SYN3: variants seen among roughly 807,000 people sequenced by gnomAD.
SYN3 encodes the protein synapsin-3.
Under a neutral mutation model 65.8 loss-of-function variants are expected in SYN3, and 35 were observed. The ratio of observed to expected loss-of-function variants is 0.53; its 90% CI spans 0.41 to 0.70. The LOEUF (loss-of-function observed/expected upper bound fraction) is 0.70, where lower values mean the gene tolerates loss of function less well. Among genes scored for constraint, SYN3 ranks in the 30% least tolerant of loss-of-function variants. The pLI, the probability that SYN3 is intolerant of heterozygous loss-of-function variation, is 0.00. For missense variants in SYN3, 680 were observed against 749.0 expected (o/e 0.91, Z 1.08); for synonymous variants, 270 against 292.9 (o/e 0.92, Z 0.80).
At chr22:32,961,568 C>T (rs1054821541) in intron 3 of SYN3, among the ~76,000 whole-genome samples, 1 of 152,216 alleles carries the variant, frequency 6.6e-6, no homozygotes, top group Non-Finnish European at 1.5e-5. Context: ...AATTTACCAT[C>T]CTGTTTAAGT....
At chr22:32,605,388 T>C (rs1203720717) in intron 6 of SYN3, among the ~76,000 whole-genome samples, 2 of 152,084 alleles carry the variant, frequency 1.3e-5, no homozygotes, top group African/African-American at 4.8e-5. Flanking sequence ...AGGGTTTGGA[T>C]GCAGTGGGGT....
chr22:32,944,445 CAT>C (rs1352192633), intron 3 of SYN3, among the ~76,000 whole-genome samples: 1 of 152,182 alleles, frequency 6.6e-6, no homozygotes, highest in African/African-American at 2.4e-5. Context: ...ACAAAAACCA[CAT>C]GATTATCTCA....
At chr22:32,576,690 C>T (rs938935575) in intron 7 of SYN3, among the ~76,000 whole-genome samples, 4 of 152,036 alleles carry the variant, frequency 2.6e-5, no homozygotes, top group Non-Finnish European at 4.4e-5. Context: ...TCATATCACT[C>T]GACTGCATCC....
chr22:32,891,905 T>C (rs1037191719), intron 4 of SYN3, among the ~76,000 whole-genome samples: 3 of 151,930 alleles, frequency 2.0e-5, no homozygotes, highest in Non-Finnish European at 4.4e-5. Flanking sequence ...ATCAGACAAT[T>C]GGAAGTAAAT....
intron 10 of SYN3, among the ~76,000 whole-genome samples, chr22:32,530,899 G>A (rs1161873073): frequency 6.6e-6 from 1 of 151,750 alleles, no homozygotes; most frequent in African/African-American, 2.4e-5. Context: ...CCAGCTACTC[G>A]GGAGGCTGAG....
Position 32,864,907 on chromosome 22 carries a change from G to A in SYN3, c.711+8C>T. On this transcript the variant is annotated splice_region_variant and intron_variant, in intron 6 of 13. Transcript: ENST00000358763. ...ATGCAAAGAAACAGAGTAAAAAAGG[G>A]CACTCACCATTGGCTTATGGTTGGG... 6.2e-7 allele frequency: 1 copy of A among 1,611,894 alleles called. No individual in the cohort carries two copies. Among genetic ancestry groups the A allele is most frequent in the Non-Finnish European group, 8.5e-7 (1 of 1,178,080 alleles).
intron 6 of SYN3, among the ~76,000 whole-genome samples, chr22:32,722,829 A>G (rs1182370529): frequency 6.6e-6 from 1 of 152,210 alleles, no homozygotes; most frequent in Non-Finnish European, 1.5e-5. Context: ...CCTCCCTAGT[A>G]AAAGCAGATC....
chr22:32,580,112 T>A (rs2058916568), intron 7 of SYN3, among the ~76,000 whole-genome samples: 1 of 152,236 alleles, frequency 6.6e-6, no homozygotes, highest in African/African-American at 2.4e-5. Context: ...GTACAGCTTG[T>A]GCGTCCACAG....
At chr22:32,669,230 T>A (rs130736) in intron 6 of SYN3, among the ~76,000 whole-genome samples, 1 of 152,062 alleles carries the variant, frequency 6.6e-6, no homozygotes, top group Non-Finnish European at 1.5e-5. Context: ...TGCTCTGATA[T>A]CCTGTCAGGA....
At position 32,518,169 on chromosome 22, in the gene SYN3, G is replaced by A; in HGVS notation, c.1484C>T (p.Ser495Phe). 6.2e-7 allele frequency: 1 copy of A among 1,613,622 alleles called. No homozygotes were observed. Among genetic ancestry groups the A allele is most frequent in the Non-Finnish European group, 8.5e-7 (1 of 1,179,846 alleles). ...ACCTGGCTTGGAGGCCTGGTTTGGGGAGCTGCCACTGGATGCCCGGGATAG... is the reference window on the plus strand; with the variant it reads ...ACCTGGCTTGGAGGCCTGGTTTGGGAAGCTGCCACTGGATGCCCGGGATAG... ...PQLSRASSGS[S>F]PNQASKPGAT... The change falls in exon 13 of 14, where the codon TCC becomes TTC. Residue 495 changes from serine to phenylalanine, a missense_variant. Physicochemically the swap from Ser to Phe is radical, Grantham distance 155. Coordinates refer to ENST00000358763, the MANE Select transcript of SYN3 (RefSeq NM_003490.4).
Position 32,594,341 on chromosome 22 carries a change from CTT to C in SYN3, c.774+2331_774+2332del, listed in dbSNP as rs1036024619. The stretch of plus-strand genomic sequence containing the variant: ...AGAGATATACTCTGAAGGGAGGACT[CTT>C]TTTAAAAGATAGTTATTAGAATTAT... On this transcript the variant is annotated intron_variant, in intron 7 of 13. Transcript: ENST00000358763. Among the ~76,000 whole-genome samples the C allele has an allele frequency of 1.3e-4, 20 of 152,166 alleles. 1 individual carries two copies. The Middle Eastern group carries it at 0.01, about 78-fold the overall frequency.
chr22:32,704,955 C>T lies in SYN3; in HGVS notation c.712-108219G>A, dbSNP rs140550061. Among the ~76,000 whole-genome samples the T allele has an allele frequency of 4.3e-4, 65 of 152,246 alleles. 1 individual carries two copies. In the East Asian group the frequency reaches 0.011, roughly 25 times the overall value. On this transcript the variant is annotated intron_variant, in intron 6 of 13. Coordinates refer to ENST00000358763, the MANE Select transcript of SYN3 (RefSeq NM_003490.4). ...TTCCTTATAGATGCTGGACATTAGA[C>T]CTTTGTCAGGTGCATAGTTTGCAAA...
chr22:32,645,406 G>A (rs1023395135), intron 6 of SYN3, among the ~76,000 whole-genome samples: 2 of 149,340 alleles, frequency 1.3e-5, no homozygotes, highest in East Asian at 2.0e-4. Flanking sequence ...AGCGAAGATC[G>A]CACCACTGCA....
chr22:32,957,490 G>A lies in SYN3; in HGVS notation c.369+23155C>T, dbSNP rs532449709. Among the ~76,000 whole-genome samples, 7 of 152,306 alleles carry A rather than the reference G, an allele frequency of 4.6e-5. No individual in the cohort carries two copies. The East Asian group carries it at 9.7e-4, about 21-fold the overall frequency. ...TTCAATCTTGTTAAAAGGGCCTCAT[G>A]TGCTGGCGCCTATTTAAAATAATGC... On this transcript the variant is annotated intron_variant, in intron 3 of 13. Transcript: ENST00000358763.
rs539189119 is a variant in SYN3 at position 32,525,404 on chromosome 22, C to A, written c.1318+2514G>T. Among the ~76,000 whole-genome samples, 32 of 152,106 alleles carry A rather than the reference C, an allele frequency of 2.1e-4. No homozygotes were observed. The South Asian group carries it at 6.4e-3, about 31-fold the overall frequency. Reference sequence around the variant, plus strand: ...GTGACTTCTTGAGATGTAATCTACTCCTGATAAAGATGCTATGAAGGGGCC... The same window carrying A: ...GTGACTTCTTGAGATGTAATCTACTACTGATAAAGATGCTATGAAGGGGCC... On this transcript the variant is annotated intron_variant, in intron 12 of 13. Coordinates refer to ENST00000358763, the MANE Select transcript of SYN3 (RefSeq NM_003490.4).
intron 3 of SYN3, among the ~76,000 whole-genome samples, chr22:32,938,178 T>A (rs532979053): frequency 1.3e-5 from 2 of 152,142 alleles, no homozygotes; most frequent in Non-Finnish European, 2.9e-5. Flanking sequence ...AACAGCTTCT[T>A]GTGAGAAAAT....
rs114289214 is a variant in SYN3 at position 32,986,236 on chromosome 22, G to A, written c.312-5534C>T. On this transcript the variant is annotated intron_variant, in intron 2 of 13. Coordinates refer to ENST00000358763, the MANE Select transcript of SYN3 (RefSeq NM_003490.4). ...TCTACTGGCACACCATTGTAATACA[G>A]TCACAGGTCTACAGCCACTGCGATG... Among the ~76,000 whole-genome samples, 975 of 152,244 alleles carry A rather than the reference G, an allele frequency of 6.4e-3. 9 individuals are homozygous for A. The highest frequency in any genetic ancestry group is 0.023 in the African/African-American group (947 of 41,546).
chr22:32,644,144 G>A (rs1275782980), intron 6 of SYN3, among the ~76,000 whole-genome samples: 1 of 147,428 alleles, frequency 6.8e-6, no homozygotes, highest in African/African-American at 2.5e-5. Flanking sequence ...AACTATTCAG[G>A]GAGGGAGATG....
At chr22:32,572,272 C>CCCCT (rs1055161045) in intron 7 of SYN3, among the ~76,000 whole-genome samples, 2 of 48,628 alleles carry the variant, frequency 4.1e-5, no homozygotes, top group Non-Finnish European at 7.2e-5. Context: ...CCTTCCTTCC[C>CCCCT]CCCTCCCTCC....
Sources: gnomAD v4.1 joint callset for allele counts (sites outside exome capture counted in the v4.1 genomes callset) on GRCh38, gnomAD v4.1.1 for gene constraint, MANE v1.5 for transcripts, NCBI Gene and HGNC (gene_info 2026-07-23, HGNC 2026-07-21) for gene names.